The following COLGALT2 variants were observed in gnomAD, a reference collection of about 807,000 sequenced individuals.
The protein encoded by COLGALT2 is procollagen galactosyltransferase 2.
COLGALT2 carries 49 observed loss-of-function variants against 73.4 expected under a neutral mutation model. That is an observed-to-expected ratio of 0.67 (90% CI 0.53 to 0.85). The LOEUF (loss-of-function observed/expected upper bound fraction) is 0.85, where lower values mean the gene tolerates loss of function less well. Ranked by LOEUF, COLGALT2 falls within the 40% of genes least tolerant of loss-of-function variation. COLGALT2 has a pLI of 0.00. For missense variants in COLGALT2, 722 were observed against 790.2 expected (o/e 0.91, Z 1.03); for synonymous variants, 295 against 307.6 (o/e 0.96, Z 0.43).
chr1:183,933,087 A>C (rs1261230350), downstream of COLGALT2, among the ~76,000 whole-genome samples: 1 of 152,100 alleles, frequency 6.6e-6, no homozygotes, highest in Non-Finnish European at 1.5e-5. Context: ...ACACCAACTC[A>C]ATCTCTCCCA....
chr1:184,025,807 C>G (rs1016061283), intron 1 of COLGALT2, among the ~76,000 whole-genome samples: 1 of 152,114 alleles, frequency 6.6e-6, no homozygotes, highest in Non-Finnish European at 1.5e-5. Flanking sequence ...AAAGCCATCC[C>G]CCAGAGATCT....
At chr1:183,963,036 G>C (rs1416461060) in intron 6 of COLGALT2, among the ~76,000 whole-genome samples, 1 of 152,162 alleles carries the variant, frequency 6.6e-6, no homozygotes, top group Non-Finnish European at 1.5e-5. Flanking sequence ...CCTGCTTTGG[G>C]AAGCCATTTC....
At chr1:183,945,836 G>C (rs537106749) in intron 8 of COLGALT2, 13 of 454,350 alleles carry the variant, frequency 2.9e-5, no homozygotes, top group African/African-American at 2.3e-4. Context: ...GATTTAATAA[G>C]TACACTCCTA....
At chr1:183,948,823 A>G (rs1670316800) in intron 8 of COLGALT2, among the ~76,000 whole-genome samples, 1 of 152,188 alleles carries the variant, frequency 6.6e-6, no homozygotes, top group African/African-American at 2.4e-5. Context: ...AGAAGATCCT[A>G]AGGAATATAC....
chr1:183,932,621 T>C (rs1472336435), downstream of COLGALT2, among the ~76,000 whole-genome samples: 1 of 152,142 alleles, frequency 6.6e-6, no homozygotes, highest in African/African-American at 2.4e-5. Context: ...CCAGGGCTCC[T>C]GCAGCTTGTT....
In COLGALT2 at chr1:184,037,375, G is replaced by GCGGCGGGGAAGTCCTGGCGCGAGCGCC; in HGVS notation, c.-45_-19dup. ...GCAGCCATGTTCCGGGCCGAGGCGG[G>GCGGCGGGGAAGTCCTGGCGCGAGCGCC]CGGCGGGGAAGTCCTGGCGCGAGCG... is the stretch of plus-strand genomic sequence containing the variant. On this transcript the variant is annotated 5_prime_UTR_variant, in exon 1 of 12. Coordinates refer to ENST00000361927, the MANE Select transcript of COLGALT2 (RefSeq NM_015101.4). The GCGGCGGGGAAGTCCTGGCGCGAGCGCC allele has an allele frequency of 7.2e-7, 1 of 1,396,800 alleles. No individual in the cohort carries two copies. The highest frequency in any genetic ancestry group is 1.6e-5 in the South Asian group (1 of 63,384). 86.5% of individuals were successfully genotyped at this position (1,396,800 alleles called of 1,614,324 possible).
chr1:184,033,583 G>A (rs1649580360), intron 1 of COLGALT2, among the ~76,000 whole-genome samples: 4 of 152,148 alleles, frequency 2.6e-5, no homozygotes, highest in Non-Finnish European at 5.9e-5. Context: ...CCTTTGTTCA[G>A]ACTAATCTGA....
At chr1:183,956,104 T>G (rs975650480) in intron 6 of COLGALT2, among the ~76,000 whole-genome samples, 2 of 152,224 alleles carry the variant, frequency 1.3e-5, no homozygotes, top group Non-Finnish European at 2.9e-5. Context: ...CAGACTTGGA[T>G]AGCAAGAAAT....
intron 1 of COLGALT2, among the ~76,000 whole-genome samples, chr1:183,980,897 C>T (rs7529825): frequency 0.013 from 1,918 of 152,218 alleles, 38 homozygotes; most frequent in African/African-American, 0.043. Flanking sequence ...AGGAATTTCA[C>T]TAACATAATT....
intron 1 of COLGALT2, among the ~76,000 whole-genome samples, chr1:183,981,469 A>G (rs948131855): frequency 1.3e-5 from 2 of 148,278 alleles, no homozygotes; most frequent in Non-Finnish European, 3.0e-5. Flanking sequence ...CCTGATCTAC[A>G]TGGTGAAACC....
chr1:183,994,868 A>G (rs56279195), intron 1 of COLGALT2, among the ~76,000 whole-genome samples: 8,289 of 152,272 alleles, frequency 0.054, 765 homozygotes, highest in African/African-American at 0.19. Flanking sequence ...AGGATCCTAT[A>G]TCTAGTCAGA....
Position 183,969,336 on chromosome 1 carries a change from G to T in COLGALT2, c.765C>A (p.Pro255=). The change falls in exon 5 of 12, where the codon CCC becomes CCA. Residue 255 remains proline (P), a synonymous_variant. Transcript: ENST00000361927. ...AGGTCCAGGTGTAGTCCTGGTGTGG[G>T]GGGTAGAAAGTCAGCTTGTCCGAGG... is the stretch of plus-strand genomic sequence containing the variant. ...KEASDKLTFY[P]PHQDYTWTFD... 1.2e-6 allele frequency: 2 copies of T among 1,613,858 alleles called. No individual in the cohort carries two copies. The highest frequency in any genetic ancestry group is 1.7e-6 in the Non-Finnish European group (2 of 1,179,880).
intron 1 of COLGALT2, among the ~76,000 whole-genome samples, chr1:184,023,005 A>G (rs1349506686): frequency 6.6e-6 from 1 of 152,222 alleles, no homozygotes; most frequent in Non-Finnish European, 1.5e-5. Flanking sequence ...AGTCAGCCAA[A>G]GAGCAGTATT....
intron 8 of COLGALT2, among the ~76,000 whole-genome samples, chr1:183,948,854 T>G (rs1421286590): frequency 6.6e-6 from 1 of 152,158 alleles, no homozygotes; most frequent in African/African-American, 2.4e-5. Flanking sequence ...GAAAAAGTAC[T>G]ATTAGAACTG....
chr1:183,991,314 T>C (rs1172305086), intron 1 of COLGALT2, among the ~76,000 whole-genome samples: 2 of 152,222 alleles, frequency 1.3e-5, no homozygotes, highest in Non-Finnish European at 2.9e-5. Context: ...AAATCTGTAA[T>C]AGAACAATAT....
rs1670687597 is a variant in COLGALT2, at chr1:183,961,108, T to C, written c.952+2793A>G. On this transcript the variant is annotated intron_variant, in intron 6 of 11. Transcript: ENST00000361927. ...CTCAAAATTTTATTTTTCCAACATT[T>C]TCTTACTCCTATTGTGTTCTATATT... 1.3e-5 allele frequency among the ~76,000 whole-genome samples: 2 copies of C among 152,228 alleles called. 1 individual carries two copies. Among genetic ancestry groups the C allele is most frequent in the South Asian group, 4.1e-4 (2 of 4,828 alleles).
intron 1 of COLGALT2, among the ~76,000 whole-genome samples, chr1:184,035,288 T>C (rs1649638231): frequency 1.3e-5 from 2 of 152,224 alleles, no homozygotes; most frequent in Admixed American, 1.3e-4. Flanking sequence ...CTCGTTTTAT[T>C]GATGAGGCAA....
At chr1:183,994,491 G>A (rs574390913) in intron 1 of COLGALT2, among the ~76,000 whole-genome samples, 1 of 152,150 alleles carries the variant, frequency 6.6e-6, no homozygotes, top group African/African-American at 2.4e-5. Context: ...GTCTTGCTCT[G>A]TCACCCAGGC....
At chr1:183,962,877 C>T (rs1236563418) in intron 6 of COLGALT2, among the ~76,000 whole-genome samples, 4 of 152,232 alleles carry the variant, frequency 2.6e-5, no homozygotes, top group African/African-American at 4.8e-5. Flanking sequence ...GTCCTTTCAG[C>T]TGAAGCCCAA....
Sources: allele counts gnomAD v4.1 joint callset (sites outside exome capture counted in the v4.1 genomes callset), GRCh38; gene constraint gnomAD v4.1.1; transcripts MANE v1.5; gene names NCBI Gene and HGNC (gene_info 2026-07-23, HGNC 2026-07-21).